KCNQ1OT1: variants seen among roughly 807,000 people sequenced by gnomAD.
KCNQ1OT1 encodes the protein KCNQ1 opposite strand/antisense transcript 1.
At chr11:2,685,300 G>A in exon 1 of KCNQ1OT1, 1 of 398,694 alleles carries the variant, frequency 2.5e-6, no homozygotes, top group Non-Finnish European at 4.4e-6. Context: ...TGCACACAGA[G>A]TATCGATCTG....
exon 1 of KCNQ1OT1, chr11:2,641,971 T>A: frequency 2.5e-6 from 1 of 398,488 alleles, no homozygotes; most frequent in Non-Finnish European, 4.4e-6. Context: ...CAGGTTCTAC[T>A]CTGTTCCATT....
At chr11:2,643,545 C>T (rs1048499295) in exon 1 of KCNQ1OT1, 2 of 398,308 alleles carry the variant, frequency 5.0e-6, no homozygotes, top group Non-Finnish European at 4.4e-6. Context: ...TGTGTCTTTA[C>T]AGGTGAGATG....
At chr11:2,641,373 C>T (rs541399890) in exon 1 of KCNQ1OT1, 2 of 398,096 alleles carry the variant, frequency 5.0e-6, no homozygotes, top group South Asian at 1.3e-4. Flanking sequence ...TTGCATTTCC[C>T]TTATAATTAC....
Position 2,673,198 on chromosome 11 carries a change from G to T in KCNQ1OT1, n.26797C>A. Reference sequence around the variant, plus strand: ...GGCCCTGGAGCCAAGGCCAAAAGCCGAACTGTGACTAGGCAAGCTGAGTCC... The same window carrying T: ...GGCCCTGGAGCCAAGGCCAAAAGCCTAACTGTGACTAGGCAAGCTGAGTCC... On this transcript the variant is annotated non_coding_transcript_exon_variant, in exon 1 of 1. Coordinates refer to ENST00000597346, the Ensembl canonical transcript of KCNQ1OT1. The surrounding 1 kb of genome is among the most constrained non-coding windows in gnomAD (Gnocchi z 4.5). 1 of 398,672 alleles carries T rather than the reference G, an allele frequency of 2.5e-6. No homozygotes were observed. Among genetic ancestry groups the T allele is most frequent in the Admixed American group, 4.4e-5 (1 of 22,736 alleles). The allele number at this position is 398,672 out of a possible 1,614,324, so 24.7% of individuals were successfully genotyped here.
rs1849863761 is a variant in KCNQ1OT1, at chr11:2,657,094, T to C, written n.42901A>G. 1.5e-5 allele frequency: 6 copies of C among 398,518 alleles called. No homozygotes were observed. The East Asian group carries it at 2.1e-4, about 14-fold the overall frequency. 24.7% of individuals were successfully genotyped at this position (398,518 alleles called of 1,614,324 possible). On this transcript the variant is annotated non_coding_transcript_exon_variant, in exon 1 of 1. Coordinates refer to ENST00000597346, the Ensembl canonical transcript of KCNQ1OT1. This position sits in a 1 kb window ranked among gnomAD's most constrained non-coding sequence, Gnocchi z 4.8. ...CCATTGGCCTATTTGTCTCTCCCTG[T>C]GTCAATACCACATTGCCCTAATGAC...
In KCNQ1OT1 at chr11:2,683,826, CT is replaced by C. The variant is rs1213986075; in HGVS notation, n.16168del. On this transcript the variant is annotated non_coding_transcript_exon_variant, in exon 1 of 1. Coordinates refer to ENST00000597346, the Ensembl canonical transcript of KCNQ1OT1. The surrounding 1 kb of genome is among the most constrained non-coding windows in gnomAD (Gnocchi z 4.7). The stretch of plus-strand genomic sequence containing the variant: ...TCCCAGCCACTAGCTTGCAGAATGG[CT>C]TTGTTGGATTCCCCTCCCTGGCCCC... 2.5e-6 allele frequency: 1 copy of C among 398,558 alleles called. No individual in the cohort carries two copies. Among genetic ancestry groups the C allele is most frequent in the Admixed American group, 4.4e-5 (1 of 22,722 alleles). 24.7% of individuals were successfully genotyped at this position (398,558 alleles called of 1,614,324 possible). A position where few individuals can be genotyped will look rare whatever the true frequency, so the allele number is the denominator to read the frequency against.
exon 1 of KCNQ1OT1, chr11:2,609,180 T>TA (rs759417486): frequency 7.3e-5 from 29 of 398,184 alleles, no homozygotes; most frequent in Admixed American, 5.7e-4. Context: ...ATTCCATCTT[T>TA]ACACTGCTTT....
exon 1 of KCNQ1OT1, chr11:2,697,852 C>G (rs1347007983): frequency 1.0e-5 from 4 of 398,510 alleles, no homozygotes; most frequent in South Asian, 1.3e-4. Context: ...TGAATTTGGA[C>G]ATGCTCTGAT....
chr11:2,680,663 G>A (rs1850381208), exon 1 of KCNQ1OT1: 4 of 398,344 alleles, frequency 1.0e-5, no homozygotes, highest in Non-Finnish European at 1.8e-5. Flanking sequence ...TCTCACTACA[G>A]GACATTTCTA....
rs1328112333 is a variant in KCNQ1OT1, at chr11:2,653,699, C to T, written n.46296G>A. ...CAACAGCTCAGGAAGCCCAGCAGAA[C>T]GAGGTCATCTCTTCCAGGATTCCTG... On this transcript the variant is annotated non_coding_transcript_exon_variant, in exon 1 of 1. Coordinates refer to ENST00000597346, the Ensembl canonical transcript of KCNQ1OT1. This position sits in a 1 kb window ranked among gnomAD's most constrained non-coding sequence, Gnocchi z 5.3. 18 of 398,568 alleles carry T rather than the reference C, an allele frequency of 4.5e-5. No homozygotes were observed. In the South Asian group the frequency reaches 1.4e-3, roughly 31 times the overall value. 24.7% of individuals were successfully genotyped at this position (398,568 alleles called of 1,614,324 possible). A position where few individuals can be genotyped will look rare whatever the true frequency, so the allele number is the denominator to read the frequency against.
chr11:2,649,454 C>T (rs1229594145), exon 1 of KCNQ1OT1: 4 of 398,374 alleles, frequency 1.0e-5, no homozygotes, highest in Admixed American at 8.8e-5. Context: ...TTAAGCATTT[C>T]TTGTGGGGCT....
rs1850325507 is a variant in KCNQ1OT1 at position 2,678,125 on chromosome 11, T to C, written n.21870A>G. 2 of 398,306 alleles carry C rather than the reference T, an allele frequency of 5.0e-6. No homozygotes were observed. Among genetic ancestry groups the C allele is most frequent in the South Asian group, 2.5e-4 (2 of 7,868 alleles). 24.7% of individuals were successfully genotyped at this position (398,306 alleles called of 1,614,324 possible). On this transcript the variant is annotated non_coding_transcript_exon_variant, in exon 1 of 1. Transcript: ENST00000597346. The surrounding 1 kb of genome is among the most constrained non-coding windows in gnomAD (Gnocchi z 4.9). The stretch of plus-strand genomic sequence containing the variant: ...TGCTTTGTCATATTCATTGAAAATA[T>C]TTTATCCTCATTTTCCTTAGGTGTT...
chr11:2,629,886 C>A (rs779854283), exon 1 of KCNQ1OT1: 2 of 398,216 alleles, frequency 5.0e-6, no homozygotes, highest in Non-Finnish European at 8.9e-6. Context: ...AATTTTACTT[C>A]CTTCTTTCTG....
exon 1 of KCNQ1OT1, chr11:2,667,829 A>C (rs1208072403): frequency 1.0e-5 from 4 of 398,518 alleles, no homozygotes; most frequent in Non-Finnish European, 1.8e-5. Flanking sequence ...TGGTGGTGTT[A>C]AACTTTTAGT....
chr11:2,611,989 T>C lies in KCNQ1OT1; in HGVS notation n.88006A>G. ...CCTATTCTCTCCTTCTCAGTACTCT[T>C]ATTAACACATATGTTGTTACTCCTT... On this transcript the variant is annotated non_coding_transcript_exon_variant, in exon 1 of 1. Transcript: ENST00000597346. This position sits in a 1 kb window ranked among gnomAD's most constrained non-coding sequence, Gnocchi z 5.3. The C allele has an allele frequency of 2.5e-6, 1 of 398,656 alleles. No homozygotes were observed. 24.7% of individuals were successfully genotyped at this position (398,656 alleles called of 1,614,324 possible). A position where few individuals can be genotyped will look rare whatever the true frequency, so the allele number is the denominator to read the frequency against.
At position 2,683,671 on chromosome 11, in the gene KCNQ1OT1, T is replaced by A. The variant is rs1255203657; in HGVS notation, n.16324A>T. The A allele has an allele frequency of 2.5e-5, 10 of 398,504 alleles. No individual in the cohort carries two copies. The highest frequency in any genetic ancestry group is 1.4e-4 in the East Asian group (4 of 28,092). 24.7% of individuals were successfully genotyped at this position (398,504 alleles called of 1,614,324 possible). On this transcript the variant is annotated non_coding_transcript_exon_variant, in exon 1 of 1. Transcript: ENST00000597346. This position sits in a 1 kb window ranked among gnomAD's most constrained non-coding sequence, Gnocchi z 4.7. ...AACATCCCTTACTTTCCCATCTCAA[T>A]ACAACTGTGAAAAGCCTAGCCTGGG...
rs1008017809 is a variant in KCNQ1OT1, at chr11:2,661,199, C to T, written n.38796G>A. The T allele has an allele frequency of 5.0e-6, 2 of 398,472 alleles. No individual in the cohort carries two copies. The highest frequency in any genetic ancestry group is 8.8e-6 in the Non-Finnish European group (2 of 226,118). 24.7% of individuals were successfully genotyped at this position (398,472 alleles called of 1,614,324 possible). A position where few individuals can be genotyped will look rare whatever the true frequency, so the allele number is the denominator to read the frequency against. On this transcript the variant is annotated non_coding_transcript_exon_variant, in exon 1 of 1. Transcript: ENST00000597346. The surrounding 1 kb of genome is among the most constrained non-coding windows in gnomAD (Gnocchi z 5.9). ...TTGGGGGAGGAAAGCCATTGTGAAT[C>T]TTTGAATTATTCCACTTCTCACAGA...
exon 1 of KCNQ1OT1, chr11:2,680,397 A>G (rs772699371): frequency 2.1e-4 from 82 of 398,240 alleles, no homozygotes; most frequent in Non-Finnish European, 3.2e-4. Context: ...ACATCCTTCC[A>G]TATTTTTTTA....
At position 2,668,826 on chromosome 11, in the gene KCNQ1OT1, T is replaced by C. The variant is rs1488158015; in HGVS notation, n.31169A>G. 2.5e-6 allele frequency: 1 copy of C among 398,522 alleles called. No homozygotes were observed. Among genetic ancestry groups the C allele is most frequent in the Non-Finnish European group, 4.4e-6 (1 of 226,078 alleles). 24.7% of individuals were successfully genotyped at this position (398,522 alleles called of 1,614,324 possible). ...TTCATGTGGTCCAGTTAATCAAACA[T>C]TTCCTCTCTGGATAGGGCTGTTTGT... On this transcript the variant is annotated non_coding_transcript_exon_variant, in exon 1 of 1. Transcript: ENST00000597346. The surrounding 1 kb of genome is among the most constrained non-coding windows in gnomAD (Gnocchi z 4.3).
Sources: gnomAD v4.1 joint callset for allele counts on GRCh38, gnomAD v4.1.1 for gene constraint, Gnocchi (gnomAD v3.1) non-coding constraint, MANE v1.5 for transcripts, NCBI Gene and HGNC (gene_info 2026-07-23, HGNC 2026-07-21) for gene names.